The following MTUS2 variants were observed in gnomAD, a reference collection of about 807,000 sequenced individuals.
The protein encoded by MTUS2 is microtubule-associated tumor suppressor candidate 2.
A neutral mutation model predicts 114.1 loss-of-function variants in MTUS2; 40 were observed. That is an observed-to-expected ratio of 0.35 (90% CI 0.27 to 0.46). The LOEUF (loss-of-function observed/expected upper bound fraction) is 0.46, where lower values mean the gene tolerates loss of function less well. Among genes scored for constraint, MTUS2 ranks in the 20% least tolerant of loss-of-function variants. The pLI, the probability that MTUS2 is intolerant of heterozygous loss-of-function variation, is 1.00. For missense variants in MTUS2, 1,679 were observed against 1,705.4 expected, an observed-to-expected ratio of 0.98 and a Z score of 0.27; for synonymous variants, 688 against 672.0, an observed-to-expected ratio of 1.02 and a Z score of -0.37.
At chr13:29,213,385 A>G (rs1056902747) in intron 5 of MTUS2, among the ~76,000 whole-genome samples, 2 of 152,226 alleles carry the variant, frequency 1.3e-5, no homozygotes, top group African/African-American at 4.8e-5. Context: ...CAAGTATTCT[A>G]TACCCTTACT....
intron 2 of MTUS2, among the ~76,000 whole-genome samples, chr13:29,016,624 C>G (rs994102813): frequency 1.3e-5 from 2 of 151,946 alleles, no homozygotes; most frequent in East Asian, 1.9e-4. Flanking sequence ...TTTACTCTTT[C>G]TACCCTACTC....
At chr13:29,097,151 CATAT>C (rs1890212373) in intron 4 of MTUS2, among the ~76,000 whole-genome samples, 1 of 79,626 alleles carries the variant, frequency 1.3e-5, no homozygotes, top group Non-Finnish European at 3.3e-5. Context: ...GTAGAGCTTT[CATAT>C]ATTGTGATGA....
At chr13:28,897,249 C>T (rs969669259) in intron 2 of MTUS2, among the ~76,000 whole-genome samples, 1 of 151,860 alleles carries the variant, frequency 6.6e-6, no homozygotes, top group African/African-American at 2.4e-5. Context: ...GATATGAACA[C>T]ATGCTTCTCA....
At chr13:29,428,058 A>C (rs1566194411) in intron 8 of MTUS2, among the ~76,000 whole-genome samples, 1 of 152,136 alleles carries the variant, frequency 6.6e-6, no homozygotes, top group East Asian at 1.9e-4. Context: ...CCCCAATTTT[A>C]ATTACTCAAG....
chr13:28,939,906 G>T, intron 2 of MTUS2, among the ~76,000 whole-genome samples: 1 of 152,186 alleles, frequency 6.6e-6, no homozygotes, highest in South Asian at 2.1e-4. Flanking sequence ...GAGGAGCTAA[G>T]TCATGTCTTA....
intron 4 of MTUS2, among the ~76,000 whole-genome samples, chr13:29,072,850 C>T (rs2138695961): frequency 6.6e-6 from 1 of 152,342 alleles, no homozygotes; most frequent in South Asian, 2.1e-4. Flanking sequence ...AGTACAAGGT[C>T]ACTCAGTATT....
intron 5 of MTUS2, among the ~76,000 whole-genome samples, chr13:29,110,316 C>T (rs1015751205): frequency 2.0e-5 from 3 of 152,220 alleles, no homozygotes; most frequent in Non-Finnish European, 4.4e-5. Flanking sequence ...ACTTAAAGGG[C>T]TTTGCACAGC....
At chr13:29,487,598 C>T (rs1881718110) in intron 10 of MTUS2, 3 of 400,122 alleles carry the variant, frequency 7.5e-6, no homozygotes, top group Admixed American at 3.9e-5. Flanking sequence ...GCGGTGCAAG[C>T]GCGTGGACAA....
intron 7 of MTUS2, among the ~76,000 whole-genome samples, chr13:29,331,377 T>G (rs924792570): frequency 2.0e-5 from 3 of 152,198 alleles, no homozygotes; most frequent in African/African-American, 7.2e-5. Flanking sequence ...TCATGTAATC[T>G]GCAGAGACAG....
intron 2 of MTUS2, among the ~76,000 whole-genome samples, chr13:28,936,037 A>AGTAATCTG (rs887943668): frequency 1.3e-5 from 2 of 152,272 alleles, no homozygotes; most frequent in South Asian, 2.1e-4. Flanking sequence ...GTGAGCCACC[A>AGTAATCTG]GGCCTGGCCC....
At chr13:29,235,680 T>C (rs1896510032) in intron 5 of MTUS2, among the ~76,000 whole-genome samples, 1 of 152,230 alleles carries the variant, frequency 6.6e-6, no homozygotes, top group African/African-American at 2.4e-5. Flanking sequence ...CAAAGGTTTA[T>C]TTAAACCAAT....
chr13:28,850,760 C>T (rs1219367011), intron 2 of MTUS2, among the ~76,000 whole-genome samples: 1 of 152,150 alleles, frequency 6.6e-6, no homozygotes, highest in Non-Finnish European at 1.5e-5. Context: ...TAGCAAAACT[C>T]AGACAGATAT....
At chr13:29,075,616 G>A (rs1889157198) in intron 4 of MTUS2, among the ~76,000 whole-genome samples, 1 of 152,080 alleles carries the variant, frequency 6.6e-6, no homozygotes, top group Non-Finnish European at 1.5e-5. Flanking sequence ...TCAAAATAAA[G>A]CCTTTCTCTA....
intron 2 of MTUS2, among the ~76,000 whole-genome samples, chr13:28,924,570 C>T (rs1280007646): frequency 2.6e-5 from 4 of 152,186 alleles, no homozygotes; most frequent in Non-Finnish European, 5.9e-5. Flanking sequence ...TTTAAATCTA[C>T]GTGCATAGGG....
chr13:29,005,641 A>G (rs1885570581), intron 2 of MTUS2, among the ~76,000 whole-genome samples: 1 of 152,220 alleles, frequency 6.6e-6, no homozygotes, highest in African/African-American at 2.4e-5. Flanking sequence ...GTCGTCTTGG[A>G]CACAAGGAAG....
chr13:29,439,314 T>C (rs1356579107), intron 8 of MTUS2, among the ~76,000 whole-genome samples: 1 of 152,236 alleles, frequency 6.6e-6, no homozygotes, highest in Non-Finnish European at 1.5e-5. Flanking sequence ...GAGGATGTAT[T>C]TGATTTGAAA....
chr13:28,989,661 A>G, intron 2 of MTUS2, among the ~76,000 whole-genome samples: 1 of 152,098 alleles, frequency 6.6e-6, no homozygotes, highest in Non-Finnish European at 1.5e-5. Context: ...GATGGGGAGG[A>G]TGAGGGTGGA....
intron 5 of MTUS2, among the ~76,000 whole-genome samples, chr13:29,232,052 T>C (rs1896344442): frequency 6.6e-6 from 1 of 152,180 alleles, no homozygotes; most frequent in Non-Finnish European, 1.5e-5. Context: ...GCCTAAGAGT[T>C]GTATAGGCAG....
intron 4 of MTUS2, among the ~76,000 whole-genome samples, chr13:29,063,494 G>C (rs1161460759): frequency 6.6e-6 from 1 of 152,180 alleles, no homozygotes; most frequent in Non-Finnish European, 1.5e-5. Flanking sequence ...TGTAAGAAAA[G>C]TTGGGACAGT....
Sources: allele counts gnomAD v4.1 joint callset (sites outside exome capture counted in the v4.1 genomes callset), GRCh38; gene constraint gnomAD v4.1.1; transcripts MANE v1.5; gene names NCBI Gene and HGNC (gene_info 2026-07-23, HGNC 2026-07-21).